KSR1: variants seen among roughly 807,000 people sequenced by gnomAD.
KSR1 encodes the protein kinase suppressor of ras 1, also known as kinase suppressor of ras.
KSR1 carries 35 observed loss-of-function variants against 92.9 expected under a neutral mutation model. That is an observed-to-expected ratio of 0.38 (90% CI 0.29 to 0.50). The LOEUF (loss-of-function observed/expected upper bound fraction) is 0.50. KSR1 is among the 20% of genes least tolerant of loss of function. KSR1 has a pLI of 0.94. For missense variants in KSR1, 972 were observed against 1,158.5 expected, an observed-to-expected ratio of 0.84 and a Z score of 2.34; for synonymous variants, 467 against 472.6, an observed-to-expected ratio of 0.99 and a Z score of 0.15.
chr17:27,530,836 T>C (rs1007955545), intron 1 of KSR1, among the ~76,000 whole-genome samples: 8 of 152,244 alleles, frequency 5.3e-5, no homozygotes, highest in African/African-American at 1.9e-4. Context: ...AGGTTTTGCT[T>C]ACGTAGTTCT....
At chr17:27,508,283 C>A (rs1375787233) in intron 1 of KSR1, among the ~76,000 whole-genome samples, 1 of 152,160 alleles carries the variant, frequency 6.6e-6, no homozygotes, top group East Asian at 1.9e-4. Context: ...TGTGTGGAAT[C>A]CTGGCTCTGA....
At position 27,617,400 on chromosome 17, in the gene KSR1, C is replaced by T. The variant is rs1313398529; in HGVS notation, c.2599C>T (p.His867Tyr). ...TCCCAAGCTGAACCGGCGGCTCTCC[C>T]ACCCTGGACACTTCTGGAAGTCAGC... ...KLPKLNRRLS[H>Y]PGHFWKSADR... is the part of the protein sequence containing the mutation. The change falls in exon 19 of 21, where the codon CAC (histidine) becomes TAC (tyrosine). Residue 867 changes from histidine to tyrosine, a missense_variant. By Grantham distance (83) the His-to-Tyr change is moderately conservative. Coordinates refer to ENST00000644974, the MANE Select transcript of KSR1 (RefSeq NM_001394583.1). The T allele has an allele frequency of 6.2e-7, 1 of 1,612,108 alleles. No homozygotes were observed. Among genetic ancestry groups the T allele is most frequent in the East Asian group, 2.2e-5 (1 of 44,824 alleles).
intron 11 of KSR1, chr17:27,601,986 C>T (rs1380514697): frequency 6.5e-7 from 1 of 1,545,426 alleles, no homozygotes; most frequent in Non-Finnish European, 8.8e-7. Context: ...GTCCCTTCTG[C>T]AAAAGTTGTT....
chr17:27,502,604 C>T (rs1349894418), intron 1 of KSR1, among the ~76,000 whole-genome samples: 1 of 152,354 alleles, frequency 6.6e-6, no homozygotes, highest in Non-Finnish European at 1.5e-5. Flanking sequence ...TTGTGGGTGA[C>T]CTAGTCCCAT....
intron 1 of KSR1, among the ~76,000 whole-genome samples, chr17:27,537,573 C>G (rs1039525569): frequency 6.6e-6 from 1 of 152,082 alleles, no homozygotes; most frequent in Non-Finnish European, 1.5e-5. Context: ...CACCTGTAAT[C>G]GCAGCTACTT....
chr17:27,510,383 T>C (rs1210441427), intron 1 of KSR1, among the ~76,000 whole-genome samples: 1 of 152,142 alleles, frequency 6.6e-6, no homozygotes, highest in African/African-American at 2.4e-5. Context: ...ATAAAACTTA[T>C]TCACTGAAGA....
Position 27,598,305 on chromosome 17 carries a change from T to C in KSR1, c.1468+869T>C, listed in dbSNP as rs569799676. Among the ~76,000 whole-genome samples the C allele has an allele frequency of 2.0e-5, 3 of 152,272 alleles. No homozygotes were observed. In the South Asian group the frequency reaches 6.2e-4, roughly 32 times the overall value. Reference sequence around the variant, plus strand: ...CCAGCCACAGGCCGTCTCCAGCCCATAGAGTCCAGGTCAGGCCCCTGTCTC... The same window carrying C: ...CCAGCCACAGGCCGTCTCCAGCCCACAGAGTCCAGGTCAGGCCCCTGTCTC... On this transcript the variant is annotated intron_variant, in intron 10 of 20. Coordinates refer to ENST00000644974, the MANE Select transcript of KSR1 (RefSeq NM_001394583.1).
chr17:27,604,167 A>G (rs1456358173), intron 12 of KSR1, among the ~76,000 whole-genome samples: 1 of 152,200 alleles, frequency 6.6e-6, no homozygotes, highest in East Asian at 1.9e-4. Flanking sequence ...AAGCCTAAGA[A>G]TAGCTCCTGT....
rs1289797716 is a variant in KSR1, at chr17:27,603,746, C to T, written c.1511-88C>T. 2.9e-6 allele frequency: 4 copies of T among 1,356,484 alleles called. No homozygotes were observed. In the Admixed American group the frequency reaches 5.4e-5, roughly 18 times the overall value. The allele number at this position is 1,356,484 out of a possible 1,614,324, so 84.0% of individuals were successfully genotyped here. A position where few individuals can be genotyped will look rare whatever the true frequency, so the allele number is the denominator to read the frequency against. ...AGTCCACTCAGGGGAAAATCAGCCT[C>T]TCTGGGGGTGCTGGGTTTCAAGCAC... On this transcript the variant is annotated intron_variant, in intron 11 of 20. Transcript: ENST00000644974.
chr17:27,622,133 C>T lies in KSR1; in HGVS notation c.2708+860C>T. 4.9e-6 allele frequency: 3 copies of T among 606,406 alleles called. No homozygotes were observed. The East Asian group carries it at 8.5e-5, about 17-fold the overall frequency. 37.6% of individuals were successfully genotyped at this position (606,406 alleles called of 1,614,324 possible). A position where few individuals can be genotyped will look rare whatever the true frequency, so the allele number is the denominator to read the frequency against. On this transcript the variant is annotated intron_variant, in intron 20 of 20. Transcript: ENST00000644974. ...CCCTCTGCCCTCTCCACGTGGCCTG[C>T]ATATGCCCAAGTAACTGCTCTCAGA...
intron 1 of KSR1, among the ~76,000 whole-genome samples, chr17:27,499,554 T>G (rs893349284): frequency 1.3e-5 from 2 of 152,242 alleles, no homozygotes; most frequent in Non-Finnish European, 2.9e-5. Flanking sequence ...GAGCACATGT[T>G]GAGCCCAGTC....
intron 2 of KSR1, among the ~76,000 whole-genome samples, chr17:27,561,170 C>T (rs2071813104): frequency 6.6e-6 from 1 of 152,188 alleles, no homozygotes; most frequent in African/African-American, 2.4e-5. Context: ...AAGCTGATGG[C>T]AGGATGAAGA....
rs1202679455 is a variant in KSR1 at position 27,624,574 on chromosome 17, A to G, written c.*1182A>G. 6.6e-6 allele frequency: 1 copy of G among 152,208 alleles called. No homozygotes were observed. Among genetic ancestry groups the G allele is most frequent in the East Asian group, 1.9e-4 (1 of 5,184 alleles). The allele number at this position is 152,208 out of a possible 1,614,324, so 9.4% of individuals were successfully genotyped here. On this transcript the variant is annotated 3_prime_UTR_variant, in exon 21 of 21. Transcript: ENST00000644974. The stretch of plus-strand genomic sequence containing the variant: ...GAAGCAGGAGGGGCTGGATTTGGAA[A>G]AGTCTTTGAAGTGAGAGCACCACGC...
At chr17:27,536,125 C>T (rs936241870) in intron 1 of KSR1, among the ~76,000 whole-genome samples, 17 of 152,184 alleles carry the variant, frequency 1.1e-4, no homozygotes, top group Non-Finnish European at 1.6e-4. Context: ...GCAGGCACAG[C>T]GCTGAAGTGA....
intron 9 of KSR1, among the ~76,000 whole-genome samples, chr17:27,592,936 G>A (rs2073217936): frequency 6.6e-6 from 1 of 152,182 alleles, no homozygotes; most frequent in African/African-American, 2.4e-5. Context: ...GGGTACATAT[G>A]GATCCATTTC....
chr17:27,495,417 G>C (rs2068952525), intron 1 of KSR1, among the ~76,000 whole-genome samples: 1 of 152,214 alleles, frequency 6.6e-6, no homozygotes, highest in Non-Finnish European at 1.5e-5. Flanking sequence ...CCCTCACACA[G>C]AGGAGGTGAG....
At chr17:27,608,090 C>A (rs2073813948) in intron 15 of KSR1, 80 bp downstream of exon 15, 1 of 1,043,562 alleles carries the variant, frequency 9.6e-7, no homozygotes, top group Non-Finnish European at 1.5e-6. Context: ...CCTGTTACTC[C>A]CTGTTAGGGT....
intron 1 of KSR1, among the ~76,000 whole-genome samples, chr17:27,483,093 G>A (rs1403481028): frequency 6.6e-6 from 1 of 152,102 alleles, no homozygotes; most frequent in Non-Finnish European, 1.5e-5. Flanking sequence ...CTCATGTGAT[G>A]TGGTTTGAGT....
chr17:27,531,492 C>T (rs972736547), intron 1 of KSR1, among the ~76,000 whole-genome samples: 1 of 152,234 alleles, frequency 6.6e-6, no homozygotes, highest in Non-Finnish European at 1.5e-5. Flanking sequence ...AGTCCATTTT[C>T]TGCCTGGTCC....
Sources: gnomAD v4.1 joint callset for allele counts (sites outside exome capture counted in the v4.1 genomes callset) on GRCh38, gnomAD v4.1.1 for gene constraint, MANE v1.5 for transcripts, NCBI Gene and HGNC (gene_info 2026-07-23, HGNC 2026-07-21) for gene names.